VAV3: variants seen among roughly 807,000 people sequenced by gnomAD.
VAV3 encodes guanine nucleotide exchange factor VAV3.
Under a neutral mutation model 131.2 loss-of-function variants are expected in VAV3, and 94 were observed. The observed-to-expected ratio is 0.72, with a 90% CI of 0.61 to 0.85. The LOEUF (loss-of-function observed/expected upper bound fraction) is 0.85. VAV3 is among the 40% of genes least tolerant of loss of function. VAV3 has a pLI of 0.00. For missense variants in VAV3, 939 were observed against 1,002.7 expected (o/e 0.94, Z 0.86); for synonymous variants, 349 against 342.0 (o/e 1.02, Z -0.22).
chr1:107,634,516 A>C (rs1287025571), intron 20 of VAV3, among the ~76,000 whole-genome samples: 1 of 152,118 alleles, frequency 6.6e-6, no homozygotes, highest in Non-Finnish European at 1.5e-5. Flanking sequence ...AACCATAAAA[A>C]CCCTAGAAGA....
chr1:107,916,281 C>G (rs776679545), intron 1 of VAV3, among the ~76,000 whole-genome samples: 1 of 152,184 alleles, frequency 6.6e-6, no homozygotes, highest in Non-Finnish European at 1.5e-5. Context: ...TAGAAGCATA[C>G]TGTTCACTCA....
chr1:107,947,507 G>C (rs1674325846), intron 1 of VAV3, among the ~76,000 whole-genome samples: 1 of 152,078 alleles, frequency 6.6e-6, no homozygotes, highest in South Asian at 2.1e-4. Flanking sequence ...CTACATCTCT[G>C]GTGCTGTGCT....
intron 22 of VAV3, among the ~76,000 whole-genome samples, chr1:107,604,406 T>G (rs781349078): frequency 2.6e-5 from 4 of 152,138 alleles, no homozygotes; most frequent in Admixed American, 6.5e-5. Context: ...AAAGAAAAGT[T>G]ATAACAACTC....
intron 1 of VAV3, among the ~76,000 whole-genome samples, chr1:107,906,469 C>T (rs553088732): frequency 1.3e-5 from 2 of 152,068 alleles, no homozygotes; most frequent in Non-Finnish European, 2.9e-5. Flanking sequence ...TCGAGACCAT[C>T]CTGGCTAACA....
intron 20 of VAV3, among the ~76,000 whole-genome samples, chr1:107,627,590 A>G (rs547316343): frequency 6.6e-6 from 1 of 152,326 alleles, no homozygotes; most frequent in African/African-American, 2.4e-5. Context: ...AAAATCATTA[A>G]TCATTATACC....
intron 19 of VAV3, among the ~76,000 whole-genome samples, chr1:107,664,582 C>T (rs754192691): frequency 6.6e-5 from 10 of 152,066 alleles, no homozygotes; most frequent in Admixed American, 1.3e-4. Flanking sequence ...CAATTCAGTT[C>T]AATATATATT....
At chr1:107,908,970 A>G (rs1672243521) in intron 1 of VAV3, among the ~76,000 whole-genome samples, 1 of 152,126 alleles carries the variant, frequency 6.6e-6, no homozygotes, top group Non-Finnish European at 1.5e-5. Context: ...AACAACTGCT[A>G]TTCATATTAA....
chr1:107,698,157 C>T (rs1169010422), intron 17 of VAV3, among the ~76,000 whole-genome samples: 1 of 152,190 alleles, frequency 6.6e-6, no homozygotes, highest in African/African-American at 2.4e-5. Flanking sequence ...AATGAGTTAA[C>T]AATGGTAAAG....
chr1:107,768,558 T>G, intron 6 of VAV3, 49 bp from the exon 7 acceptor site: 1 of 1,469,178 alleles, frequency 6.8e-7, no homozygotes. Context: ...CTTGTCCTAA[T>G]CTATATAATA....
chr1:107,848,228 G>A (rs1008892092), intron 2 of VAV3, among the ~76,000 whole-genome samples: 2 of 151,540 alleles, frequency 1.3e-5, no homozygotes, highest in Admixed American at 6.6e-5. Flanking sequence ...CAGGAGAATG[G>A]CGTGAACCCT....
intron 25 of VAV3, chr1:107,576,476 C>A (rs1649660060): frequency 6.7e-7 from 1 of 1,498,578 alleles, no homozygotes; most frequent in South Asian, 1.3e-5. Flanking sequence ...AAAGAGGGGG[C>A]TTTGAGAAAG....
intron 1 of VAV3, among the ~76,000 whole-genome samples, chr1:107,927,899 G>A (rs991874867): frequency 1.3e-5 from 2 of 152,182 alleles, no homozygotes; most frequent in African/African-American, 2.4e-5. Flanking sequence ...ACCACCTGCT[G>A]ATGGTAGGAC....
At chr1:107,590,988 T>C (rs1380728921) in intron 25 of VAV3, among the ~76,000 whole-genome samples, 1 of 152,142 alleles carries the variant, frequency 6.6e-6, no homozygotes, top group African/African-American at 2.4e-5. Context: ...TTCAATACTT[T>C]CCTAGTGCAA....
In VAV3 at chr1:107,845,248, G is replaced by A. The variant is rs148477447; in HGVS notation, c.321+29653C>T. Among the ~76,000 whole-genome samples the A allele has an allele frequency of 7.5e-3, 1,139 of 152,204 alleles. 15 individuals carry two copies. Among genetic ancestry groups the A allele is most frequent in the African/African-American group, 0.017 (689 of 41,536 alleles). On this transcript the variant is annotated intron_variant, in intron 2 of 26. Transcript: ENST00000370056. The stretch of plus-strand genomic sequence containing the variant: ...AAACTAACAAACAGAAAGGAATAGC[G>A]TCAACATCAACGAAAAGGACGTCCA...
At chr1:107,635,180 T>TAG (rs1654820795) in intron 20 of VAV3, among the ~76,000 whole-genome samples, 1 of 152,112 alleles carries the variant, frequency 6.6e-6, no homozygotes, top group African/African-American at 2.4e-5. Flanking sequence ...TGTATGTTTA[T>TAG]TGCATCACTA....
intron 1 of VAV3, among the ~76,000 whole-genome samples, chr1:107,922,908 C>G (rs918639363): frequency 6.7e-6 from 1 of 149,230 alleles, no homozygotes; most frequent in Non-Finnish European, 1.5e-5. Flanking sequence ...GCCGAGATCG[C>G]GCCACTGCAC....
intron 19 of VAV3, chr1:107,669,204 T>C: frequency 8.6e-7 from 1 of 1,156,676 alleles, no homozygotes; most frequent in Non-Finnish European, 1.1e-6. Flanking sequence ...AAGTCTTCTT[T>C]CCAAAGTACT....
intron 25 of VAV3, among the ~76,000 whole-genome samples, chr1:107,589,167 C>T (rs1650743551): frequency 6.6e-6 from 1 of 152,114 alleles, no homozygotes; most frequent in Admixed American, 6.5e-5. Flanking sequence ...AAAATTAATA[C>T]AGTGGAACTG....
At chr1:107,841,975 C>T (rs1668733507) in intron 2 of VAV3, among the ~76,000 whole-genome samples, 1 of 152,066 alleles carries the variant, frequency 6.6e-6, no homozygotes, top group African/African-American at 2.4e-5. Context: ...ACATGGCTTG[C>T]ATTTATGGCT....
Sources: allele counts gnomAD v4.1 joint callset (sites outside exome capture counted in the v4.1 genomes callset), GRCh38; gene constraint gnomAD v4.1.1; transcripts MANE v1.5; gene names NCBI Gene and HGNC (gene_info 2026-07-23, HGNC 2026-07-21).